Variants in NRROS observed in about 807,000 individuals in gnomAD.
NRROS encodes negative regulator of reactive oxygen species.
In NRROS, 6 loss-of-function variants were observed where a neutral mutation model predicts 12.0. That is an observed-to-expected ratio of 0.50 (90% CI 0.27 to 0.98). The LOEUF (loss-of-function observed/expected upper bound fraction) is 0.98, where lower values mean the gene tolerates loss of function less well. Among genes scored for constraint, NRROS ranks in the 50% least tolerant of loss-of-function variants. The probability of loss-of-function intolerance (pLI) is 0.11; values close to 1 mark genes in which losing one functional copy is unlikely to be tolerated. For synonymous variants in NRROS, 462 were observed against 410.2 expected (o/e 1.13, Z -1.53); for missense variants, 857 against 888.2 (o/e 0.96, Z 0.45).
At chr3:196,643,212 G>C (rs58385329) in intron 1 of NRROS, among the ~76,000 whole-genome samples, 1 of 152,146 alleles carries the variant, frequency 6.6e-6, no homozygotes, top group Non-Finnish European at 1.5e-5. Context: ...AAGGAGAAAC[G>C]AATGTGAGTG....
intron 1 of NRROS, among the ~76,000 whole-genome samples, chr3:196,650,737 G>C (rs982700641): frequency 1.4e-4 from 22 of 152,214 alleles, no homozygotes; most frequent in African/African-American, 4.1e-4. Flanking sequence ...GACCAGGTCT[G>C]GAGGCAGAAA....
intron 1 of NRROS, among the ~76,000 whole-genome samples, chr3:196,647,369 T>C (rs939731887): frequency 5.3e-5 from 8 of 152,214 alleles, no homozygotes; most frequent in African/African-American, 1.9e-4. Flanking sequence ...TGTCTATATT[T>C]TGACAAATTC....
At chr3:196,643,600 G>A (rs933457793) in intron 1 of NRROS, among the ~76,000 whole-genome samples, 1 of 152,196 alleles carries the variant, frequency 6.6e-6, no homozygotes, top group Non-Finnish European at 1.5e-5. Flanking sequence ...CTTTTCACCT[G>A]TCTGTTCTCA....
chr3:196,652,007 G>C lies in NRROS; in HGVS notation c.-13-2520G>C, dbSNP rs959990489. ...GAGGCCAGGTGACAGCAGAGTTTGA[G>C]ATTCAGAACCTTCAGAAGTCAGAGC... is the stretch of plus-strand genomic sequence containing the variant. On this transcript the variant is annotated intron_variant, in intron 1 of 2. Coordinates refer to ENST00000328557, the MANE Select transcript of NRROS (RefSeq NM_198565.3). 3.0e-4 allele frequency among the ~76,000 whole-genome samples: 46 copies of C among 152,302 alleles called. 1 individual carries two copies. The highest frequency in any genetic ancestry group is 2.4e-3 in the Admixed American group (36 of 15,288).
At position 196,643,370 on chromosome 3, in the gene NRROS, C is replaced by T. The variant is rs114185318; in HGVS notation, c.-14+3495C>T. On this transcript the variant is annotated intron_variant, in intron 1 of 2. Transcript: ENST00000328557. Reference sequence around the variant, plus strand: ...GTGGAACCTCGTCATGGTCCTCACCCACGAGGTGGGCGCGAGGAGCAGGCT... The same window carrying T: ...GTGGAACCTCGTCATGGTCCTCACCTACGAGGTGGGCGCGAGGAGCAGGCT... Among the ~76,000 whole-genome samples the T allele has an allele frequency of 6.1e-3, 929 of 152,278 alleles. 10 individuals carry two copies. The highest frequency in any genetic ancestry group is 0.022 in the African/African-American group (899 of 41,550).
intron 1 of NRROS, among the ~76,000 whole-genome samples, chr3:196,653,110 A>G (rs1737462556): frequency 6.6e-6 from 1 of 152,024 alleles, no homozygotes; most frequent in South Asian, 2.1e-4. Context: ...GAACCCGTAC[A>G]CCTCTGCTTC....
chr3:196,658,907 T>C (rs1003768661), intron 2 of NRROS, among the ~76,000 whole-genome samples: 3 of 152,042 alleles, frequency 2.0e-5, no homozygotes, highest in Non-Finnish European at 2.9e-5. Flanking sequence ...GAGGCAGAGA[T>C]TGCAGTGAGC....
At chr3:196,646,023 T>C (rs147827659) in intron 1 of NRROS, among the ~76,000 whole-genome samples, 26 of 152,376 alleles carry the variant, frequency 1.7e-4, no homozygotes, top group Admixed American at 4.6e-4. Flanking sequence ...CTGCAGGCCT[T>C]GGAAGGCTTG....
At position 196,660,366 on chromosome 3, in the gene NRROS, C is replaced by T; in HGVS notation, c.723C>T (p.Phe241=). The T allele has an allele frequency of 1.2e-6, 2 of 1,614,064 alleles. No individual in the cohort carries two copies. Among genetic ancestry groups the T allele is most frequent in the East Asian group, 4.5e-5 (2 of 44,880 alleles). ...TCAGCTACAACGTCCTGGAGTGGTT[C>T]CTCGCGACCGGGGGAGAGGCTGCCT... ...LNVSYNVLEW[F]LATGGEAAFE... The change falls in exon 3 of 3, where the codon TTC becomes TTT. Residue 241 remains phenylalanine (F), a synonymous_variant. Transcript: ENST00000328557. This position sits in a 1 kb window ranked among gnomAD's most constrained non-coding sequence, Gnocchi z 7.7.
chr3:196,660,634 C>A lies in NRROS; in HGVS notation c.991C>A (p.Arg331Ser), dbSNP rs761492409. ...EFSSSDLADL[R>S]FLDMSQNQFQ... ...CTCCTCCAGCGACCTCGCAGATCTC[C>A]GCTTCCTGGACATGAGCCAGAACCA... Residue 331 changes from arginine (R) to serine (S), a missense_variant, in exon 3 of 3, where the codon CGC (arginine) becomes AGC (serine). Transcript: ENST00000328557. This position sits in a 1 kb window ranked among gnomAD's most constrained non-coding sequence, Gnocchi z 7.7. The A allele has an allele frequency of 1.9e-6, 3 of 1,614,218 alleles. No homozygotes were observed. In the South Asian group the frequency reaches 3.3e-5, roughly 18 times the overall value.
intron 2 of NRROS, 92 bp from the exon 3 acceptor site, chr3:196,659,652 CGGCGGTTG>C: frequency 8.2e-7 from 1 of 1,215,424 alleles, no homozygotes; most frequent in Non-Finnish European, 1.1e-6. Flanking sequence ...GAGCCATCCC[CGGCGGTTG>C]CAGGGACAGT....
In NRROS at chr3:196,646,724, C is replaced by T. The variant is rs79834579; in HGVS notation, c.-14+6849C>T. Among the ~76,000 whole-genome samples the T allele has an allele frequency of 7.7e-3, 1,176 of 152,308 alleles. 16 individuals are homozygous for T. Among genetic ancestry groups the T allele is most frequent in the African/African-American group, 0.027 (1,130 of 41,574 alleles). On this transcript the variant is annotated intron_variant, in intron 1 of 2. Coordinates refer to ENST00000328557, the MANE Select transcript of NRROS (RefSeq NM_198565.3). Reference sequence around the variant, plus strand: ...GGGTTGCTGGGGCCTCTGAATCCCCCCCCGATGGAGGCAGAGCCTCATCCA... The same window carrying T: ...GGGTTGCTGGGGCCTCTGAATCCCCTCCCGATGGAGGCAGAGCCTCATCCA...
At chr3:196,657,938 C>T (rs1387616808) in intron 2 of NRROS, among the ~76,000 whole-genome samples, 1 of 152,032 alleles carries the variant, frequency 6.6e-6, no homozygotes, top group Non-Finnish European at 1.5e-5. Context: ...TGTGTTTCAC[C>T]TCAACAGTCA....
chr3:196,658,977 C>CA (rs1175962425), intron 2 of NRROS, among the ~76,000 whole-genome samples: 2 of 151,958 alleles, frequency 1.3e-5, no homozygotes, highest in African/African-American at 2.4e-5. Context: ...CTCAAAAAAA[C>CA]AAAAAACAAA....
At chr3:196,658,493 G>C (rs1277334022) in intron 2 of NRROS, among the ~76,000 whole-genome samples, 3 of 152,192 alleles carry the variant, frequency 2.0e-5, no homozygotes, top group Non-Finnish European at 4.4e-5. Context: ...CCGAGATTCA[G>C]ATTGAGTCTG....
intron 1 of NRROS, among the ~76,000 whole-genome samples, chr3:196,651,954 C>G (rs1737437780): frequency 6.6e-6 from 1 of 152,076 alleles, no homozygotes; most frequent in African/African-American, 2.4e-5. Flanking sequence ...ACTAAACCAG[C>G]AGAGTTTGTG....
At chr3:196,658,806 A>G (rs74442919) in intron 2 of NRROS, among the ~76,000 whole-genome samples, 33,746 of 152,038 alleles carry the variant, frequency 0.22, 3,927 homozygotes, top group East Asian at 0.4. Flanking sequence ...GTCTCTACTA[A>G]AAATACAAAA....
rs1737494523 is a variant in NRROS at position 196,654,513 on chromosome 3, C to T, written c.-13-14C>T. The stretch of plus-strand genomic sequence containing the variant: ...CCTTCTCTGACTTACCTCTTCCCTG[C>T]TCTCTGTCCACAGGGCTGCCCTTGA... On this transcript the variant is annotated splice_polypyrimidine_tract_variant and intron_variant, in intron 1 of 2. Coordinates refer to ENST00000328557, the MANE Select transcript of NRROS (RefSeq NM_198565.3). This position sits in a 1 kb window ranked among gnomAD's most constrained non-coding sequence, Gnocchi z 4.4. The T allele has an allele frequency of 6.8e-7, 1 of 1,476,386 alleles. No homozygotes were observed. Among genetic ancestry groups the T allele is most frequent in the South Asian group, 1.1e-5 (1 of 88,270 alleles). The allele number at this position is 1,476,386 out of a possible 1,614,324, so 91.5% of individuals were successfully genotyped here.
chr3:196,660,780 C>G lies in NRROS; in HGVS notation c.1137C>G (p.Thr379=), dbSNP rs1057456191. The G allele has an allele frequency of 4.3e-6, 7 of 1,613,600 alleles. No homozygotes were observed. Among genetic ancestry groups the G allele is most frequent in the East Asian group, 2.2e-5 (1 of 44,882 alleles). ...IREHEPPGAL[T]ELDLSHNQLS... is the part of the protein sequence containing the mutation. ...AGCACGAGCCCCCCGGAGCGCTCAC[C>G]GAGCTGGACCTGAGCCACAACCAGC... The change falls in exon 3 of 3, where the codon ACC becomes ACG. Residue 379 remains threonine (T), a synonymous_variant. Transcript: ENST00000328557. This position sits in a 1 kb window ranked among gnomAD's most constrained non-coding sequence, Gnocchi z 7.7.
Sources: allele counts gnomAD v4.1 joint callset (sites outside exome capture counted in the v4.1 genomes callset), GRCh38; gene constraint gnomAD v4.1.1; non-coding constraint Gnocchi (gnomAD v3.1); transcripts MANE v1.5; gene names NCBI Gene and HGNC (gene_info 2026-07-23, HGNC 2026-07-21).